The following LRRFIP2 variants were observed in gnomAD, a reference collection of about 807,000 sequenced individuals.
LRRFIP2 encodes leucine-rich repeat flightless-interacting protein 2.
A neutral mutation model predicts 125.9 loss-of-function variants in LRRFIP2; 109 were observed. The ratio of observed to expected loss-of-function variants is 0.87; its 90% CI spans 0.74 to 1.01. LRRFIP2 has a LOEUF of 1.01. LRRFIP2 is among the 50% of genes least tolerant of loss of function. The probability of loss-of-function intolerance (pLI) is 0.00; values close to 1 mark genes in which losing one functional copy is unlikely to be tolerated. For missense variants in LRRFIP2, 850 were observed against 862.3 expected, an observed-to-expected ratio of 0.99 and a Z score of 0.18; for synonymous variants, 291 against 293.1, an observed-to-expected ratio of 0.99 and a Z score of 0.07.
intron 1 of LRRFIP2, among the ~76,000 whole-genome samples, chr3:37,158,605 CAA>C (rs11423668): frequency 1.3e-4 from 16 of 126,858 alleles, no homozygotes; most frequent in Admixed American, 1.6e-4. Context: ...AGACTCCTCT[CAA>C]AAAAAAAAAA....
In LRRFIP2 at chr3:37,094,921, A is replaced by C; in HGVS notation, c.919-13T>G. 6.9e-7 allele frequency: 1 copy of C among 1,449,722 alleles called. No individual in the cohort carries two copies. The highest frequency in any genetic ancestry group is 1.1e-5 in the South Asian group (1 of 87,778). 89.8% of individuals were successfully genotyped at this position (1,449,722 alleles called of 1,614,324 possible). ...TTCGAGATGAAGGCTAGAAAGAGAAATATGACCCTTCTAAGTCTCATTTCT... is the reference window on the plus strand; with the variant it reads ...TTCGAGATGAAGGCTAGAAAGAGAACTATGACCCTTCTAAGTCTCATTTCT... On this transcript the variant is annotated splice_polypyrimidine_tract_variant and intron_variant, in intron 16 of 27. Transcript: ENST00000336686.
chr3:37,053,795 T>A lies in LRRFIP2; in HGVS notation c.*56A>T. The A allele has an allele frequency of 8.6e-7, 1 of 1,164,620 alleles. No individual in the cohort carries two copies. Among genetic ancestry groups the A allele is most frequent in the Admixed American group, 1.7e-5 (1 of 58,674 alleles). 72.1% of individuals were successfully genotyped at this position (1,164,620 alleles called of 1,614,324 possible). On this transcript the variant is annotated 3_prime_UTR_variant, in exon 28 of 28. Coordinates refer to ENST00000336686, the MANE Select transcript of LRRFIP2 (RefSeq NM_006309.4). ...AGGGGTTTGTGTCAATGGACAAAAG[T>A]CAGTCCCTCTAGGTAGGGCCCCAAG...
chr3:37,163,065 T>C (rs1486444292), intron 1 of LRRFIP2, among the ~76,000 whole-genome samples: 1 of 152,188 alleles, frequency 6.6e-6, no homozygotes, highest in Admixed American at 6.5e-5. Flanking sequence ...GTAAACACTT[T>C]AGTTTTGCCA....
chr3:37,133,354 T>G (rs908408366), intron 2 of LRRFIP2, among the ~76,000 whole-genome samples: 1 of 152,228 alleles, frequency 6.6e-6, no homozygotes, highest in Non-Finnish European at 1.5e-5. Flanking sequence ...TATATACCAA[T>G]GTTCATAGCA....
intron 7 of LRRFIP2, 47 bp downstream of exon 7, chr3:37,115,007 T>C: frequency 7.0e-7 from 1 of 1,420,276 alleles, no homozygotes; most frequent in South Asian, 1.2e-5. Context: ...CAACAGATGT[T>C]TATAAAGTAA....
At chr3:37,143,777 T>G (rs1174538987) in intron 2 of LRRFIP2, 1 of 168,512 alleles carries the variant, frequency 5.9e-6, no homozygotes, top group African/African-American at 2.4e-5. Context: ...AGGCACCACA[T>G]TGTATGCATC....
chr3:37,128,424 A>AT lies in LRRFIP2; in HGVS notation c.177+638dup, dbSNP rs554478564. On this transcript the variant is annotated intron_variant, in intron 3 of 27. Coordinates refer to ENST00000336686, the MANE Select transcript of LRRFIP2 (RefSeq NM_006309.4). ...AATTTCCATATGCCTATTCTTAAAAATTTTTTTCTTGTTTTCCTTTCTGAT... is the reference window on the plus strand; with the variant it reads ...AATTTCCATATGCCTATTCTTAAAAATTTTTTTTCTTGTTTTCCTTTCTGAT... 5.3e-4 allele frequency among the ~76,000 whole-genome samples: 80 copies of AT among 152,076 alleles called. 1 individual carries two copies. The highest frequency in any genetic ancestry group is 3.4e-4 in the Non-Finnish European group (23 of 68,014).
rs144477168 is a variant in LRRFIP2, at chr3:37,080,804, A to G, written c.1278+2832T>C. On this transcript the variant is annotated intron_variant, in intron 19 of 27. Coordinates refer to ENST00000336686, the MANE Select transcript of LRRFIP2 (RefSeq NM_006309.4). Reference sequence around the variant, plus strand: ...AAAGAGGACCTATACATGAAAAGAGACTTAAAAGATTTATCAACTCATTCT... The same window carrying G: ...AAAGAGGACCTATACATGAAAAGAGGCTTAAAAGATTTATCAACTCATTCT... Among the ~76,000 whole-genome samples, 58 of 152,320 alleles carry G rather than the reference A, an allele frequency of 3.8e-4. No individual in the cohort carries two copies. In the East Asian group the frequency reaches 0.011, roughly 28 times the overall value.
rs2087691179 is a variant in LRRFIP2, at chr3:37,058,802, T to C, written c.1858A>G (p.Ile620Val). ...CCCTGGTACCTACTCTGCATTTCGA[T>C]GAACTGCAAGTCTGAGCCATTCTGC... ...GLQNGSDLQFIEMQRDANRQI... is the reference protein window; with the variant it reads ...GLQNGSDLQFVEMQRDANRQI... Residue 620 changes from isoleucine to valine, a missense_variant, in exon 25 of 28, where the codon ATC (isoleucine) becomes GTC (valine). Ile to Val is a conservative substitution (Grantham distance 29, BLOSUM62 3). Coordinates refer to ENST00000336686, the MANE Select transcript of LRRFIP2 (RefSeq NM_006309.4). The C allele has an allele frequency of 6.8e-6, 11 of 1,614,104 alleles. No homozygotes were observed. Among genetic ancestry groups the C allele is most frequent in the Non-Finnish European group, 9.3e-6 (11 of 1,179,954 alleles).
chr3:37,162,155 CAAAAA>C (rs71091697), intron 1 of LRRFIP2, among the ~76,000 whole-genome samples: 2 of 73,986 alleles, frequency 2.7e-5, no homozygotes, highest in Non-Finnish European at 4.8e-5. Context: ...GACCCTGTCT[CAAAAA>C]AAAAAAAAAA....
At chr3:37,094,679 A>T in intron 17 of LRRFIP2, 113 bp downstream of exon 17, 1 of 691,896 alleles carries the variant, frequency 1.4e-6, no homozygotes, top group Non-Finnish European at 2.5e-6. Context: ...CTTATTTTTT[A>T]AAAAGAAATC....
intron 20 of LRRFIP2, among the ~76,000 whole-genome samples, chr3:37,073,939 A>T (rs1429244037): frequency 6.6e-6 from 1 of 152,238 alleles, no homozygotes; most frequent in East Asian, 1.9e-4. Flanking sequence ...CAGATTCTGG[A>T]AAATATGCTT....
chr3:37,149,048 A>G lies in LRRFIP2; in HGVS notation c.-55-10T>C, dbSNP rs527337006. The G allele has an allele frequency of 3.2e-5, 51 of 1,587,728 alleles. No individual in the cohort carries two copies. Among genetic ancestry groups the G allele is most frequent in the Non-Finnish European group, 4.2e-5 (49 of 1,168,812 alleles). On this transcript the variant is annotated splice_polypyrimidine_tract_variant and intron_variant, in intron 1 of 27. Transcript: ENST00000336686. ...AACTGTGTTTTCAGCCCTGAAGTAA[A>G]CAAAAACATAATAACTTAAGGTATT...
intron 21 of LRRFIP2, among the ~76,000 whole-genome samples, chr3:37,069,080 T>C (rs1374187618): frequency 6.6e-6 from 1 of 152,228 alleles, no homozygotes; most frequent in East Asian, 1.9e-4. Context: ...CCTTGTATTA[T>C]AATGATAACA....
intron 23 of LRRFIP2, chr3:37,064,077 T>A (rs1475802878): frequency 2.8e-6 from 1 of 354,610 alleles, no homozygotes; most frequent in Non-Finnish European, 5.2e-6. Context: ...AAGGAGGTCA[T>A]TTCCTTGTTT....
chr3:37,059,278 G>A (rs529313003), intron 24 of LRRFIP2, among the ~76,000 whole-genome samples: 1 of 152,262 alleles, frequency 6.6e-6, no homozygotes, highest in East Asian at 1.9e-4. Flanking sequence ...TTGGGAGGCT[G>A]AGGCATGAGG....
intron 4 of LRRFIP2, among the ~76,000 whole-genome samples, chr3:37,123,172 TG>T (rs1189613900): frequency 5.5e-5 from 8 of 146,278 alleles, no homozygotes; most frequent in African/African-American, 2.0e-4. Flanking sequence ...GATTTACATT[TG>T]TTGTTGTTGT....
In LRRFIP2 at chr3:37,091,459, CCT is replaced by C; in HGVS notation, c.1107+6_1107+7del. The C allele has an allele frequency of 1.2e-6, 2 of 1,606,018 alleles. No homozygotes were observed. Among genetic ancestry groups the C allele is most frequent in the South Asian group, 2.2e-5 (2 of 89,680 alleles). On this transcript the variant is annotated splice_donor_region_variant and intron_variant, in intron 18 of 27. Coordinates refer to ENST00000336686, the MANE Select transcript of LRRFIP2 (RefSeq NM_006309.4). ...AGCATGCTTGGGCTGCAGAATGGGC[CCT>C]GATACCTTTAGTTCTTTAAGCCCCT... is the stretch of plus-strand genomic sequence containing the variant.
At chr3:37,055,201 G>A in intron 25 of LRRFIP2, 36 bp from the exon 26 acceptor site, 1 of 1,303,844 alleles carries the variant, frequency 7.7e-7, no homozygotes, top group East Asian at 2.4e-5. Context: ...ATCTTCACCT[G>A]TCAGAGATGA....
Sources: gnomAD v4.1 joint callset for allele counts (sites outside exome capture counted in the v4.1 genomes callset) on GRCh38, gnomAD v4.1.1 for gene constraint, MANE v1.5 for transcripts, NCBI Gene and HGNC (gene_info 2026-07-23, HGNC 2026-07-21) for gene names.